CD47: variants seen among roughly 807,000 people sequenced by gnomAD.
CD47 encodes the protein leukocyte surface antigen CD47.
In CD47, 11 loss-of-function variants were observed where a neutral mutation model predicts 44.6. The observed-to-expected ratio is 0.25, with a 90% CI of 0.16 to 0.41. The LOEUF (loss-of-function observed/expected upper bound fraction) is 0.41, where lower values mean the gene tolerates loss of function less well. Ranked by LOEUF, CD47 falls within the 10% of genes least tolerant of loss-of-function variation. The probability of loss-of-function intolerance (pLI) is 1.00; values close to 1 mark genes in which losing one functional copy is unlikely to be tolerated. For synonymous variants in CD47, 140 were observed against 136.3 expected (o/e 1.03, Z -0.19); for missense variants, 306 against 386.7 (o/e 0.79, Z 1.75).
At chr3:108,088,237 C>A (rs1441349370) in intron 1 of CD47, among the ~76,000 whole-genome samples, 4 of 152,082 alleles carry the variant, frequency 2.6e-5, no homozygotes, top group African/African-American at 9.7e-5. Flanking sequence ...TCTAGTTTTG[C>A]GAATATGCGT....
Position 108,051,975 on chromosome 3 carries a change from T to TA in CD47, c.878-6dup. On this transcript the variant is annotated splice_region_variant and splice_polypyrimidine_tract_variant and intron_variant, in intron 7 of 10. Transcript: ENST00000361309. The stretch of plus-strand genomic sequence containing the variant: ...GTATAGTCTTCTGATTGGAAGCTGA[T>TA]ATAAATAACAAATAAGAATATAAAT... 7.9e-7 allele frequency: 1 copy of TA among 1,263,610 alleles called. No homozygotes were observed. The highest frequency in any genetic ancestry group is 1.2e-6 in the Non-Finnish European group (1 of 869,444). 78.3% of individuals were successfully genotyped at this position (1,263,610 alleles called of 1,614,324 possible).
At chr3:108,060,717 G>T in intron 4 of CD47, 28 bp downstream of exon 4, 1 of 1,463,762 alleles carries the variant, frequency 6.8e-7, no homozygotes, top group East Asian at 2.3e-5. Context: ...TACCTCCTGC[G>T]TTCCTGCCTA....
intron 1 of CD47, among the ~76,000 whole-genome samples, chr3:108,089,935 C>T (rs1405311955): frequency 6.9e-6 from 1 of 144,282 alleles, no homozygotes; most frequent in African/African-American, 2.6e-5. Flanking sequence ...TGTTTCTATT[C>T]CTTGCTCAGT....
intron 10 of CD47, among the ~76,000 whole-genome samples, chr3:108,048,380 T>TG (rs1391729428): frequency 4.5e-5 from 6 of 134,104 alleles, no homozygotes; most frequent in African/African-American, 1.2e-4. Context: ...TGTTTTTTTT[T>TG]TTTTTTTTTT....
At position 108,045,905 on chromosome 3, in the gene CD47, TG is replaced by T. The variant is rs2078714954; in HGVS notation, c.*1382del. ...TATAATTCCACCCAATAAAGAACTT[TG>T]TATTTAAATGTTTTTACTAAAAGCA... On this transcript the variant is annotated 3_prime_UTR_variant, in exon 11 of 11. Transcript: ENST00000361309. 1 of 152,230 alleles carries T rather than the reference TG, an allele frequency of 6.6e-6. No homozygotes were observed. The highest frequency in any genetic ancestry group is 1.5e-5 in the Non-Finnish European group (1 of 68,040). The allele number at this position is 152,230 out of a possible 1,614,324, so 9.4% of individuals were successfully genotyped here.
Position 108,055,481 on chromosome 3 carries a change from C to G in CD47, c.877+1996G>C, listed in dbSNP as rs771940837. 8.0e-6 allele frequency: 9 copies of G among 1,130,918 alleles called. No homozygotes were observed. The South Asian group carries it at 1.2e-4, about 15-fold the overall frequency. The allele number at this position is 1,130,918 out of a possible 1,614,324, so 70.1% of individuals were successfully genotyped here. On this transcript the variant is annotated intron_variant, in intron 7 of 10. Coordinates refer to ENST00000361309, the MANE Select transcript of CD47 (RefSeq NM_001777.4). ...TAAGCAAACCATATTAATGTTCCTC[C>G]TAGTCTACCATGTTATCTAAAGAGC...
At chr3:108,051,475 G>T (rs1383697918) in intron 8 of CD47, among the ~76,000 whole-genome samples, 1 of 152,102 alleles carries the variant, frequency 6.6e-6, no homozygotes, top group African/African-American at 2.4e-5. Flanking sequence ...GGAGAGGATC[G>T]AATCATAACT....
intron 2 of CD47, among the ~76,000 whole-genome samples, chr3:108,077,051 T>C (rs1298551226): frequency 1.3e-5 from 2 of 152,152 alleles, no homozygotes; most frequent in Non-Finnish European, 2.9e-5. Context: ...TAAAACTATA[T>C]CTTATAGTGT....
intron 1 of CD47, 112 bp downstream of exon 1, chr3:108,090,751 T>C (rs2079618871): frequency 1.0e-6 from 1 of 985,388 alleles, no homozygotes; most frequent in East Asian, 3.4e-5. Context: ...CCGAGTGTTC[T>C]GCGCCCCGGC....
At chr3:108,070,681 G>A (rs1242189835) in intron 3 of CD47, among the ~76,000 whole-genome samples, 2 of 152,030 alleles carry the variant, frequency 1.3e-5, no homozygotes, top group Non-Finnish European at 1.5e-5. Flanking sequence ...AATCAAACTG[G>A]GAAAATAAAA....
chr3:108,079,284 ATT>A (rs1390720910), intron 2 of CD47, among the ~76,000 whole-genome samples: 2 of 151,872 alleles, frequency 1.3e-5, no homozygotes, highest in African/African-American at 2.4e-5. Flanking sequence ...AGAGGAGACT[ATT>A]TACTTCAGCT....
At chr3:108,079,970 A>C (rs766553972) in intron 2 of CD47, 21 bp downstream of exon 2, 14 of 1,526,152 alleles carry the variant, frequency 9.2e-6, no homozygotes, top group Non-Finnish European at 1.2e-5. Context: ...ATAAAAAAAG[A>C]AGCTTTCATA....
intron 2 of CD47, among the ~76,000 whole-genome samples, chr3:108,077,212 T>C (rs2079326246): frequency 6.6e-6 from 1 of 152,180 alleles, no homozygotes; most frequent in Non-Finnish European, 1.5e-5. Flanking sequence ...CACGACATAG[T>C]AAAAATGGTT....
At chr3:108,085,445 CAT>C (rs1325598618) in intron 1 of CD47, among the ~76,000 whole-genome samples, 1 of 152,090 alleles carries the variant, frequency 6.6e-6, no homozygotes, top group African/African-American at 2.4e-5. Context: ...AATAAGATAA[CAT>C]GTTTTTGTAT....
intron 2 of CD47, among the ~76,000 whole-genome samples, chr3:108,079,740 T>C (rs1223738824): frequency 6.6e-6 from 1 of 151,726 alleles, no homozygotes; most frequent in Non-Finnish European, 1.5e-5. Flanking sequence ...AGACCAAAAG[T>C]TTGAGAACCA....
At chr3:108,082,243 T>TCA (rs2079433925) in intron 1 of CD47, among the ~76,000 whole-genome samples, 1 of 151,974 alleles carries the variant, frequency 6.6e-6, no homozygotes, top group African/African-American at 2.4e-5. Context: ...CCTGTGCCTT[T>TCA]CACTGACTTT....
chr3:108,051,821 C>T, intron 8 of CD47, 118 bp downstream of exon 8: 1 of 803,454 alleles, frequency 1.2e-6, no homozygotes, highest in South Asian at 1.3e-5. Flanking sequence ...GCAATGACTT[C>T]AACATTCTCT....
chr3:108,060,793 G>T lies in CD47; in HGVS notation c.550C>A (p.Leu184Ile). Reference sequence around the variant, plus strand: ...ACAATGACAATGACAGTGATCACTAGTCCAGCAACAAGTAAAGCAATTGTT... The same window carrying T: ...ACAATGACAATGACAGTGATCACTATTCCAGCAACAAGTAAAGCAATTGTT... ...EKTIALLVAG[L>I]VITVIVIVGA... The change falls in exon 4 of 11, where the codon CTA (leucine) becomes ATA (isoleucine). Residue 184 changes from leucine (L) to isoleucine (I), a missense_variant. This residue lies in a region of CD47 where 65 missense variants were observed against 119.9 expected (regional missense o/e 0.54). Transcript: ENST00000361309. 6.2e-7 allele frequency: 1 copy of T among 1,613,684 alleles called. No individual in the cohort carries two copies. The highest frequency in any genetic ancestry group is 8.5e-7 in the Non-Finnish European group (1 of 1,179,720).
Position 108,044,262 on chromosome 3 carries a change from G to C in CD47, c.*3026C>G, listed in dbSNP as rs2078677446. 1.3e-5 allele frequency: 2 copies of C among 152,424 alleles called. No homozygotes were observed. Among genetic ancestry groups the C allele is most frequent in the South Asian group, 4.2e-4 (2 of 4,814 alleles). 9.4% of individuals were successfully genotyped at this position (152,424 alleles called of 1,614,324 possible). ...CAATTTGGTGGTCACTTACTAAATT[G>C]ACTATAGCATCCTGAAAAAAGAAAT... On this transcript the variant is annotated 3_prime_UTR_variant, in exon 11 of 11. Transcript: ENST00000361309.
Sources: gnomAD v4.1 joint callset for allele counts (sites outside exome capture counted in the v4.1 genomes callset) on GRCh38, gnomAD v4.1.1 for gene constraint, gnomAD v4.1.1 regional missense constraint, MANE v1.5 for transcripts, NCBI Gene and HGNC (gene_info 2026-07-23, HGNC 2026-07-21) for gene names.